Variants in ZNF160 observed in about 807,000 individuals in gnomAD.
ZNF160 encodes KRAB zinc finger protein KR18.
In ZNF160, 9 loss-of-function variants were observed where a neutral mutation model predicts 13.1. The ratio of observed to expected loss-of-function variants is 0.69; its 90% CI spans 0.41 to 1.20. The LOEUF (loss-of-function observed/expected upper bound fraction) is 1.20. Among genes scored for constraint, ZNF160 ranks in the 50% most tolerant of loss-of-function variants. The pLI is 0.01. For missense variants in ZNF160, 838 were observed against 988.0 expected (o/e 0.85, Z 2.04); for synonymous variants, 293 against 333.2 (o/e 0.88, Z 1.31).
chr19:53,100,117 C>A (rs2085387230), intron 1 of ZNF160, among the ~76,000 whole-genome samples: 1 of 152,206 alleles, frequency 6.6e-6, no homozygotes, highest in African/African-American at 2.4e-5. Context: ...GAAAGACTGT[C>A]AGCTATAGAG....
Position 53,075,136 on chromosome 19 carries a change from C to G in ZNF160, c.63G>C (p.Glu21Asp). The change falls in exon 4 of 6, where the codon GAG (glutamate) becomes GAC (aspartate). Residue 21 changes from glutamate (E) to aspartate (D), a missense_variant. This residue lies in a region of ZNF160 where 387 missense variants were observed against 402.3 expected (regional missense o/e 0.96). Coordinates refer to ENST00000683776, the MANE Select transcript of ZNF160 (RefSeq NM_001322131.2). ...RDVAIEFSQE[E>D]WKCLDPAQRI... ...TCTGAGCAGGGTCCAGGCATTTCCA[C>G]TCCTCCTGAGAGAATTCTATGGCCA... is the stretch of plus-strand genomic sequence containing the variant. 1 of 1,614,244 alleles carries G rather than the reference C, an allele frequency of 6.2e-7. No homozygotes were observed. The highest frequency in any genetic ancestry group is 8.5e-7 in the Non-Finnish European group (1 of 1,180,046).
chr19:53,084,570 T>C (rs142242894), intron 3 of ZNF160, among the ~76,000 whole-genome samples: 271 of 152,226 alleles, frequency 1.8e-3, no homozygotes, highest in African/African-American at 6.3e-3. Context: ...AACCGCAGAA[T>C]ACAACACAGC....
rs757182149 is a variant in ZNF160, at chr19:53,068,721, G to C, written c.1813C>G (p.Arg605Gly). Reference protein sequence around the residue: ...CNDCGRAFSDRSSLTFHQAIH... With the variant: ...CNDCGRAFSDGSSLTFHQAIH... ...GCCTGATGAAAAGTTAGGCTTGAAC[G>C]ATCACTAAAGGCTCTGCCACAGTCA... The change falls in exon 6 of 6, where the codon CGT (arginine) becomes GGT (glycine). Residue 605 changes from arginine (R) to glycine (G), a missense_variant. Arg to Gly is a moderately radical substitution (Grantham distance 125, BLOSUM62 -2). This residue lies in a region of ZNF160 where 400 missense variants were observed against 538.9 expected (regional missense o/e 0.74). Coordinates refer to ENST00000683776, the MANE Select transcript of ZNF160 (RefSeq NM_001322131.2). 1 of 1,614,064 alleles carries C rather than the reference G, an allele frequency of 6.2e-7. No individual in the cohort carries two copies. Among genetic ancestry groups the C allele is most frequent in the African/African-American group, 1.3e-5 (1 of 75,002 alleles).
At chr19:53,085,297 A>T (rs1266367749) in intron 3 of ZNF160, 2 of 772,180 alleles carry the variant, frequency 2.6e-6, no homozygotes, top group Non-Finnish European at 3.1e-6. Context: ...AATTTGTTTA[A>T]ATCTCATAAT....
chr19:53,084,239 A>G (rs991731578), intron 3 of ZNF160, among the ~76,000 whole-genome samples: 4 of 152,210 alleles, frequency 2.6e-5, no homozygotes. Flanking sequence ...AAGGCACAGA[A>G]GCAAGTTAGG....
intron 5 of ZNF160, chr19:53,073,296 G>A (rs747224905): frequency 1.3e-6 from 2 of 1,568,964 alleles, no homozygotes; most frequent in African/African-American, 2.7e-5. Flanking sequence ...AATGACAGAA[G>A]GATTTTGTTA....
At chr19:53,074,957 A>G in intron 4 of ZNF160, 100 bp downstream of exon 4, 2 of 1,523,716 alleles carry the variant, frequency 1.3e-6, no homozygotes, top group South Asian at 2.3e-5. Context: ...CAGGACTTCA[A>G]TCTCAGTCAA....
Position 53,070,069 on chromosome 19 carries a change from C to T in ZNF160, c.465G>A (p.Val155=), listed in dbSNP as rs757098388. 1.9e-6 allele frequency: 3 copies of T among 1,614,006 alleles called. No individual in the cohort carries two copies. Among genetic ancestry groups the T allele is most frequent in the African/African-American group, 2.7e-5 (2 of 74,918 alleles). Residue 155 remains valine, a synonymous_variant, in exon 6 of 6, where the codon GTG becomes GTA. Transcript: ENST00000683776. ...TTTTACCTTCTTTCTGGGCCATAAG[C>T]ACTCCCTTGTAATTTCCTGTGTCAT... ...WRDDTGNYKG[V]LMAQKEGKRD...
intron 3 of ZNF160, among the ~76,000 whole-genome samples, chr19:53,078,400 A>AC (rs1366953766): frequency 1.3e-5 from 2 of 151,816 alleles, no homozygotes; most frequent in East Asian, 1.9e-4. Flanking sequence ...ACAAAGTGAG[A>AC]CCCCATCTCT....
intron 3 of ZNF160, among the ~76,000 whole-genome samples, chr19:53,083,851 G>A (rs1264693253): frequency 1.3e-5 from 2 of 152,350 alleles, no homozygotes; most frequent in Non-Finnish European, 2.9e-5. Flanking sequence ...AGGCTACAGT[G>A]AGCCATGACT....
At chr19:53,085,445 A>G (rs2084794019) in intron 3 of ZNF160, 1 of 152,476 alleles carries the variant, frequency 6.6e-6, no homozygotes, top group Admixed American at 6.5e-5. Context: ...ACATAAATGT[A>G]TCATTTCACT....
chr19:53,071,321 C>T (rs1486480014), intron 5 of ZNF160, among the ~76,000 whole-genome samples: 4 of 151,570 alleles, frequency 2.6e-5, no homozygotes, highest in East Asian at 1.9e-4. Flanking sequence ...GAGGCCGAGG[C>T]GGGTGGATCA....
chr19:53,098,624 G>A (rs1222742523), intron 1 of ZNF160, among the ~76,000 whole-genome samples: 4 of 151,872 alleles, frequency 2.6e-5, no homozygotes, highest in Admixed American at 6.6e-5. Context: ...TCCACTCACA[G>A]TCCCCTGCAA....
rs1005732398 is a variant in ZNF160 at position 53,085,275 on chromosome 19, C to A, written c.15+987G>T. The A allele has an allele frequency of 4.4e-5, 40 of 902,124 alleles. No homozygotes were observed. The African/African-American group carries it at 5.9e-4, about 13-fold the overall frequency. The allele number at this position is 902,124 out of a possible 1,614,324, so 55.9% of individuals were successfully genotyped here. A position where few individuals can be genotyped will look rare whatever the true frequency, so the allele number is the denominator to read the frequency against. The stretch of plus-strand genomic sequence containing the variant: ...TGCAGGTTAACATATCACAACCAAA[C>A]ATTCACTGAGGAATTTGTTTAAATC... On this transcript the variant is annotated intron_variant, in intron 3 of 5. Transcript: ENST00000683776.
intron 1 of ZNF160, among the ~76,000 whole-genome samples, chr19:53,096,687 T>G (rs2085250448): frequency 1.6e-5 from 2 of 126,704 alleles, no homozygotes; most frequent in Non-Finnish European, 1.7e-5. Context: ...GAAGTGAGAG[T>G]CTGAACAGAG....
intron 1 of ZNF160, among the ~76,000 whole-genome samples, chr19:53,093,919 T>A (rs1340043882): frequency 1.3e-5 from 2 of 152,202 alleles, no homozygotes; most frequent in Non-Finnish European, 2.9e-5. Flanking sequence ...ATGCACCAAC[T>A]TCATTTCAAA....
intron 2 of ZNF160, among the ~76,000 whole-genome samples, chr19:53,087,718 T>C (rs1309413023): frequency 6.6e-6 from 1 of 152,020 alleles, no homozygotes; most frequent in Non-Finnish European, 1.5e-5. Context: ...GCCCGGCTAA[T>C]TTTTTGTATT....
chr19:53,073,143 C>A (rs2084243303), intron 5 of ZNF160: 1 of 1,337,480 alleles, frequency 7.5e-7, no homozygotes. Context: ...CAGTCCCCAA[C>A]CTGTGGTAAC....
chr19:53,069,069 C>G lies in ZNF160; in HGVS notation c.1465G>C (p.Val489Leu). The G allele has an allele frequency of 1.2e-6, 2 of 1,613,802 alleles. No individual in the cohort carries two copies. The highest frequency in any genetic ancestry group is 1.7e-6 in the Non-Finnish European group (2 of 1,179,986). Residue 489 changes from valine (V) to leucine (L), a missense_variant, in exon 6 of 6, where the codon GTT (valine) becomes CTT (leucine). Val to Leu is a conservative substitution (Grantham distance 32). Transcript: ENST00000683776. This position sits in a 1 kb window ranked among gnomAD's most constrained non-coding sequence, Gnocchi z 4.4. ...GCAAGTTGTGAATTTTGAGTGAAAA[C>G]CTTGCTGCATTCATTGCATTTGAAA... Reference protein sequence around the residue: ...KPFKCNECSKVFTQNSQLANH... With the variant: ...KPFKCNECSKLFTQNSQLANH...
Sources: allele counts gnomAD v4.1 joint callset (sites outside exome capture counted in the v4.1 genomes callset), GRCh38; gene constraint gnomAD v4.1.1; regional missense constraint gnomAD v4.1.1; non-coding constraint Gnocchi (gnomAD v3.1); transcripts MANE v1.5; gene names NCBI Gene and HGNC (gene_info 2026-07-23, HGNC 2026-07-21).